The following ABI3BP variants were observed in gnomAD, a reference collection of about 807,000 sequenced individuals.
ABI3BP encodes the protein target of Nesh-SH3.
Under a neutral mutation model 268.6 loss-of-function variants are expected in ABI3BP, and 216 were observed. The observed-to-expected ratio is 0.80, with a 90% confidence interval of 0.72 to 0.90. The LOEUF is 0.90. ABI3BP is among the 40% of genes least tolerant of loss of function. The pLI is 0.00. For missense variants in ABI3BP, 2,090 were observed against 2,182.4 expected (o/e 0.96, Z 0.84); for synonymous variants, 730 against 730.0 (o/e 1.00, Z 0.00).
chr3:100,827,755 C>T (rs1025717819), intron 34 of ABI3BP, among the ~76,000 whole-genome samples: 2 of 152,004 alleles, frequency 1.3e-5, no homozygotes, highest in Non-Finnish European at 2.9e-5. Context: ...AATTCAGATA[C>T]TTAGGATTAA....
At chr3:100,775,143 C>A in intron 60 of ABI3BP, 64 bp downstream of exon 60, 2 of 1,565,394 alleles carry the variant, frequency 1.3e-6, no homozygotes, top group East Asian at 2.3e-5. Context: ...CCATCCCCAC[C>A]AACATTTAAA....
chr3:100,870,989 C>G (rs1423859342), intron 9 of ABI3BP, among the ~76,000 whole-genome samples: 1 of 151,908 alleles, frequency 6.6e-6, no homozygotes, highest in African/African-American at 2.4e-5. Context: ...TAAAAAAAGT[C>G]ACATATATAG....
intron 57 of ABI3BP, among the ~76,000 whole-genome samples, chr3:100,785,344 G>T (rs2096999875): frequency 6.6e-6 from 1 of 152,168 alleles, no homozygotes; most frequent in African/African-American, 2.4e-5. Flanking sequence ...TTTGTGAACA[G>T]CTGCATTTCT....
intron 1 of ABI3BP, among the ~76,000 whole-genome samples, chr3:100,965,558 G>A (rs2080970973): frequency 6.6e-6 from 1 of 151,296 alleles, no homozygotes; most frequent in African/African-American, 2.4e-5. Flanking sequence ...AGGGGTTTTA[G>A]TAAGGAAAGG....
At chr3:100,982,894 G>A (rs2090230934) in intron 1 of ABI3BP, among the ~76,000 whole-genome samples, 1 of 152,076 alleles carries the variant, frequency 6.6e-6, no homozygotes, top group South Asian at 2.1e-4. Context: ...TGCATCTCCT[G>A]CCGACATAGC....
intron 21 of ABI3BP, among the ~76,000 whole-genome samples, chr3:100,841,194 CTTTTTTTTTTTTTTTTTTTT>C (rs60261694): frequency 2.5e-5 from 1 of 39,630 alleles, no homozygotes; most frequent in East Asian, 1.0e-3. Context: ...CATTAGAACA[CTTTTTTTTTTTTTTTTTTTT>C]TTTTTTTTTT....
At chr3:100,834,918 G>T in intron 28 of ABI3BP, 145 bp from the exon 29 acceptor site, 1 of 678,148 alleles carries the variant, frequency 1.5e-6, no homozygotes, top group Non-Finnish European at 2.4e-6. Context: ...TCATCTATAT[G>T]CAAAAATATG....
At chr3:100,957,980 GAGA>G (rs1213698512) in intron 1 of ABI3BP, among the ~76,000 whole-genome samples, 1 of 152,206 alleles carries the variant, frequency 6.6e-6, no homozygotes, top group Non-Finnish European at 1.5e-5. Context: ...AAGTGACACT[GAGA>G]AGAAGTAGCT....
Position 100,926,475 on chromosome 3 carries a change from C to A in ABI3BP, c.86G>T (p.Arg29Met). The A allele has an allele frequency of 6.2e-7, 1 of 1,612,690 alleles. No individual in the cohort carries two copies. Among genetic ancestry groups the A allele is most frequent in the Non-Finnish European group, 8.5e-7 (1 of 1,179,070 alleles). ...ATTGATGTGGACTTTGAGGTTTGGCCTTTTACCTAACAATGGGAATGAAAA... is the reference window on the plus strand; with the variant it reads ...ATTGATGTGGACTTTGAGGTTTGGCATTTTACCTAACAATGGGAATGAAAA... ...GNAQKLPKGK[R>M]PNLKVHINTT... Residue 29 changes from arginine (R) to methionine (M), a missense_variant, in exon 2 of 68, where the codon AGG (arginine) becomes ATG (methionine). By Grantham distance (91) the Arg-to-Met change is moderately conservative. Transcript: ENST00000471714.
intron 62 of ABI3BP, 54 bp downstream of exon 62, chr3:100,770,689 G>A: frequency 7.2e-7 from 1 of 1,387,182 alleles, no homozygotes; most frequent in Non-Finnish European, 9.4e-7. Flanking sequence ...CCACTCCCAG[G>A]GTATCTTGTT....
chr3:100,808,010 A>G (rs2097761374), intron 50 of ABI3BP, 151 bp downstream of exon 50: 1 of 687,538 alleles, frequency 1.5e-6, no homozygotes, highest in Non-Finnish European at 2.4e-6. Flanking sequence ...AAGTCCAAAA[A>G]GAAATTTAAA....
chr3:100,763,455 C>T (rs2096086333), intron 63 of ABI3BP, among the ~76,000 whole-genome samples: 1 of 148,854 alleles, frequency 6.7e-6, no homozygotes, highest in African/African-American at 2.5e-5. Flanking sequence ...AAGAGCAAGA[C>T]TCTGTCTCAA....
chr3:100,752,895 CTGAGTAAGAGTCT>C lies in ABI3BP; in HGVS notation c.5001_5013del (p.Asp1668SerfsTer17), dbSNP rs2095414870. On this transcript the variant is annotated frameshift_variant, in exon 66 of 68. Coordinates refer to ENST00000471714, the MANE Select transcript of ABI3BP (RefSeq NM_001375547.2). LOFTEE classifies it high-confidence loss of function. ...TTGACATATTGTTTGCCCTTACACT[CTGAGTAAGAGTCT>C]GAATTAAAGGGTCTTTCAGTCCAGA... 1 of 1,613,410 alleles carries C rather than the reference CTGAGTAAGAGTCT, an allele frequency of 6.2e-7. No homozygotes were observed. The highest frequency in any genetic ancestry group is 1.7e-5 in the Admixed American group (1 of 59,940).
chr3:100,937,957 C>T lies in ABI3BP; in HGVS notation c.80-11476G>A, dbSNP rs1411115922. On this transcript the variant is annotated intron_variant, in intron 1 of 67. Transcript: ENST00000471714. ...AAACTTTAACACTAAGATATACAAA[C>T]TATAATCTTAAAAAAGAACAAGAGT... Among the ~76,000 whole-genome samples, 4 of 151,964 alleles carry T rather than the reference C, an allele frequency of 2.6e-5. No individual in the cohort carries two copies. The East Asian group carries it at 7.7e-4, about 29-fold the overall frequency.
chr3:100,953,619 A>ATT (rs57331898), intron 1 of ABI3BP, among the ~76,000 whole-genome samples: 13 of 151,652 alleles, frequency 8.6e-5, no homozygotes, highest in South Asian at 4.2e-4. Context: ...AAGAAATACT[A>ATT]TTTTTTTTGA....
chr3:100,805,155 C>A (rs1003868856), intron 50 of ABI3BP, among the ~76,000 whole-genome samples: 6 of 152,048 alleles, frequency 3.9e-5, no homozygotes, highest in African/African-American at 1.4e-4. Flanking sequence ...GAGGAGATGA[C>A]AATGGAATGA....
At chr3:100,793,953 G>A (rs2097267119) in intron 54 of ABI3BP, among the ~76,000 whole-genome samples, 1 of 151,966 alleles carries the variant, frequency 6.6e-6, no homozygotes, top group Non-Finnish European at 1.5e-5. Context: ...CATCCCAGTG[G>A]ACCTTTCCAA....
In ABI3BP at chr3:100,898,829, G is replaced by A; in HGVS notation, c.394C>T (p.Leu132=). Residue 132 remains leucine (L), a synonymous_variant, in exon 4 of 68, where the codon CTG becomes TTG. Coordinates refer to ENST00000471714, the MANE Select transcript of ABI3BP (RefSeq NM_001375547.2). ...VGTLTPSSVF[L]SWGFLINPHH... is the part of the protein sequence containing the mutation. ...GGGTTGATGAGGAAACCCCAGGACA[G>A]GAAGACCGAGCTCGGTGTCAGAGTG... 6.2e-7 allele frequency: 1 copy of A among 1,613,810 alleles called. No homozygotes were observed. The highest frequency in any genetic ancestry group is 8.5e-7 in the Non-Finnish European group (1 of 1,179,782).
At chr3:100,966,563 G>T (rs1325673750) in intron 1 of ABI3BP, among the ~76,000 whole-genome samples, 6 of 152,222 alleles carry the variant, frequency 3.9e-5, no homozygotes, top group African/African-American at 7.2e-5. Context: ...AATGTAAGCA[G>T]ATTCTCCATC....
Sources: allele counts gnomAD v4.1 joint callset (sites outside exome capture counted in the v4.1 genomes callset), GRCh38; gene constraint gnomAD v4.1.1; transcripts MANE v1.5; gene names NCBI Gene and HGNC (gene_info 2026-07-23, HGNC 2026-07-21).